Variants in ARHGAP8 observed in about 807,000 individuals in gnomAD.
The protein encoded by ARHGAP8 is Rho GTPase activating protein 8.
ARHGAP8 carries 62 observed loss-of-function variants against 46.1 expected under a neutral mutation model. The ratio of observed to expected loss-of-function variants is 1.34; its 90% CI spans 1.10 to 1.66. ARHGAP8 has a LOEUF of 1.66. Ranked by LOEUF, ARHGAP8 falls within the 40% of genes most tolerant of loss-of-function variation. ARHGAP8 has a pLI of 0.00. For missense variants in ARHGAP8, 923 were observed against 568.4 expected, an observed-to-expected ratio of 1.62 and a Z score of -6.34; for synonymous variants, 375 against 243.1, an observed-to-expected ratio of 1.54 and a Z score of -5.05.
chr22:44,811,335 G>C (rs1249636413), intron 4 of ARHGAP8, among the ~76,000 whole-genome samples: 2 of 152,252 alleles, frequency 1.3e-5, no homozygotes, highest in African/African-American at 4.8e-5. Context: ...AAGGAGGCCG[G>C]CCTCGTGGCA....
chr22:44,809,227 C>G, intron 4 of ARHGAP8: 2 of 459,208 alleles, frequency 4.4e-6, no homozygotes, highest in South Asian at 1.6e-5. Flanking sequence ...ACATTATGGA[C>G]GCTGAAATGT....
At chr22:44,858,533 CTTTTT>C (rs10700242) in intron 10 of ARHGAP8, among the ~76,000 whole-genome samples, 9 of 89,784 alleles carry the variant, frequency 1.0e-4, no homozygotes, top group African/African-American at 2.3e-4. Flanking sequence ...CCATACCCGG[CTTTTT>C]TTTTTTTTTT....
intron 1 of ARHGAP8, among the ~76,000 whole-genome samples, chr22:44,767,289 A>G (rs1925646195): frequency 6.6e-6 from 1 of 152,024 alleles, no homozygotes. Context: ...TACACTCCTT[A>G]TCTTGATTCA....
chr22:44,832,968 A>ACACAC (rs533455887), intron 7 of ARHGAP8, among the ~76,000 whole-genome samples: 1 of 149,550 alleles, frequency 6.7e-6, no homozygotes. Flanking sequence ...GTCTATTAAA[A>ACACAC]ACACACACAC....
In ARHGAP8 at chr22:44,808,360, AT is replaced by A. The variant is rs1569155636; in HGVS notation, c.224del (p.Phe75SerfsTer5). On this transcript the variant is annotated frameshift_variant, in exon 4 of 12. Coordinates refer to ENST00000356099, the MANE Select transcript of ARHGAP8 (RefSeq NM_181335.3). LOFTEE classifies it high-confidence loss of function. Reference protein sequence around the residue: ...QYVENDYTIVYFHYGLNSRNK... With the variant: ...QYVENDYTIVXFHYGLNSRNK... ...GTTGAGAACGATTATACCATCGTCT[AT>A]TTCCACTACGGGCTGAACAGCCGGA... 1 of 1,614,260 alleles carries A rather than the reference AT, an allele frequency of 6.2e-7. No individual in the cohort carries two copies. Among genetic ancestry groups the A allele is most frequent in the Admixed American group, 1.7e-5 (1 of 60,032 alleles).
intron 4 of ARHGAP8, among the ~76,000 whole-genome samples, chr22:44,810,387 G>A (rs1428770523): frequency 6.6e-6 from 1 of 152,088 alleles, no homozygotes; most frequent in South Asian, 2.1e-4. Flanking sequence ...GACTACAGGC[G>A]TGAGCCACCA....
chr22:44,846,691 C>A (rs1397310519), intron 8 of ARHGAP8, among the ~76,000 whole-genome samples: 1 of 152,192 alleles, frequency 6.6e-6, no homozygotes, highest in Non-Finnish European at 1.5e-5. Flanking sequence ...GAACTGCCTT[C>A]TTCACGCCTC....
intron 1 of ARHGAP8, among the ~76,000 whole-genome samples, chr22:44,784,522 C>T (rs1927074420): frequency 6.6e-6 from 1 of 152,150 alleles, no homozygotes; most frequent in Non-Finnish European, 1.5e-5. Flanking sequence ...TGTGTAGGTT[C>T]CTTGCAAACA....
At chr22:44,858,429 A>C (rs1224557572) in intron 10 of ARHGAP8, among the ~76,000 whole-genome samples, 1 of 145,872 alleles carries the variant, frequency 6.9e-6, no homozygotes, top group Non-Finnish European at 1.5e-5. Context: ...GTGCAATGGC[A>C]CCATCTCGGC....
At chr22:44,787,047 A>AAAAAAAAAAAC (rs796358176) in intron 2 of ARHGAP8, among the ~76,000 whole-genome samples, 3 of 145,484 alleles carry the variant, frequency 2.1e-5, no homozygotes, top group Non-Finnish European at 4.5e-5. Context: ...CAAAAAAAAA[A>AAAAAAAAAAAC]AAAAGAAAGA....
intron 2 of ARHGAP8, among the ~76,000 whole-genome samples, chr22:44,795,338 C>T (rs1928004528): frequency 1.3e-5 from 2 of 152,178 alleles, no homozygotes; most frequent in Non-Finnish European, 2.9e-5. Flanking sequence ...CCCTCTTACC[C>T]TCATTGCAGA....
rs2070554340 is a variant in ARHGAP8, at chr22:44,862,588, GTCTCT to G, written c.1296_1300del (p.Leu433ValfsTer40). The G allele has an allele frequency of 6.3e-7, 1 of 1,577,378 alleles. No homozygotes were observed. The highest frequency in any genetic ancestry group is 8.6e-7 in the Non-Finnish European group (1 of 1,157,236). On this transcript the variant is annotated frameshift_variant and stop_lost, in exon 12 of 12. Coordinates refer to ENST00000356099, the MANE Select transcript of ARHGAP8 (RefSeq NM_181335.3). LOFTEE classifies it high-confidence loss of function. Reference sequence around the variant, plus strand: ...AGTCCCCTGATGGCAGCCAGAAGACGTCTCTAGTGTTGCGAACACTCTGTATATTT... The same window carrying G: ...AGTCCCCTGATGGCAGCCAGAAGACGAGTGTTGCGAACACTCTGTATATTT...
At chr22:44,798,272 G>A (rs1222572074) in intron 2 of ARHGAP8, among the ~76,000 whole-genome samples, 1 of 151,904 alleles carries the variant, frequency 6.6e-6, no homozygotes, top group African/African-American at 2.4e-5. Flanking sequence ...CACTGCACCT[G>A]GCCAAAAAAA....
intron 11 of ARHGAP8, among the ~76,000 whole-genome samples, chr22:44,861,918 A>G (rs1353071225): frequency 6.6e-6 from 1 of 152,144 alleles, no homozygotes; most frequent in Non-Finnish European, 1.5e-5. Flanking sequence ...CGCCACTCAC[A>G]GAGCCGAGGC....
intron 5 of ARHGAP8, among the ~76,000 whole-genome samples, chr22:44,817,142 C>T (rs1243322248): frequency 1.3e-5 from 2 of 152,170 alleles, no homozygotes; most frequent in Non-Finnish European, 2.9e-5. Flanking sequence ...CCGCCTCGGC[C>T]TCCCAAAGTC....
intron 11 of ARHGAP8, among the ~76,000 whole-genome samples, chr22:44,860,983 CCCAAAA>C (rs2070452406): frequency 7.5e-6 from 1 of 134,206 alleles, no homozygotes; most frequent in African/African-American, 2.7e-5. Context: ...TTCTCAGAGG[CCCAAAA>C]CTAAACTCTC....
chr22:44,837,641 G>A (rs1931376396), intron 7 of ARHGAP8, among the ~76,000 whole-genome samples: 1 of 152,162 alleles, frequency 6.6e-6, no homozygotes, highest in Non-Finnish European at 1.5e-5. Flanking sequence ...TCATTGCTAT[G>A]CACAGCACTG....
At chr22:44,848,350 C>A (rs1354671721) in intron 9 of ARHGAP8, among the ~76,000 whole-genome samples, 1 of 109,228 alleles carries the variant, frequency 9.2e-6, no homozygotes, top group South Asian at 2.5e-4. Context: ...CCCTGCAGTG[C>A]AGGGAAGCTG....
intron 2 of ARHGAP8, among the ~76,000 whole-genome samples, chr22:44,797,092 G>A (rs16992863): frequency 0.095 from 14,522 of 152,134 alleles, 886 homozygotes; most frequent in African/African-American, 0.16. Flanking sequence ...TTCTCTCCCC[G>A]GAGCTGAGTA....
Sources: gnomAD v4.1 joint callset for allele counts (sites outside exome capture counted in the v4.1 genomes callset) on GRCh38, gnomAD v4.1.1 for gene constraint, MANE v1.5 for transcripts, NCBI Gene and HGNC (gene_info 2026-07-23, HGNC 2026-07-21) for gene names.